Variants in SLC26A3 observed in about 807,000 individuals in gnomAD.
SLC26A3 encodes chloride anion exchanger.
In SLC26A3, 64 loss-of-function variants were observed where a neutral mutation model predicts 85.6. That is an observed-to-expected ratio of 0.75 (90% CI 0.61 to 0.92). The LOEUF (loss-of-function observed/expected upper bound fraction) is 0.92. SLC26A3 is among the 40% of genes least tolerant of loss of function. The probability of loss-of-function intolerance (pLI) is 0.00; values close to 1 mark genes in which losing one functional copy is unlikely to be tolerated. For missense variants in SLC26A3, 922 were observed against 927.3 expected, an observed-to-expected ratio of 0.99 and a Z score of 0.07; for synonymous variants, 349 against 336.0, an observed-to-expected ratio of 1.04 and a Z score of -0.42.
At chr7:107,778,458 G>A (rs1451530592) in intron 12 of SLC26A3, among the ~76,000 whole-genome samples, 177 bp from the exon 13 acceptor site, 1 of 140,502 alleles carries the variant, frequency 7.1e-6, no homozygotes, top group African/African-American at 2.7e-5. Context: ...TTGTCATCTT[G>A]GGCCAGGGAG....
chr7:107,801,925 C>CAAAAAAAAAAAA (rs11356401), intron 1 of SLC26A3, among the ~76,000 whole-genome samples: 4 of 91,236 alleles, frequency 4.4e-5, no homozygotes, highest in African/African-American at 1.1e-4. Flanking sequence ...ACTGAAAATA[C>CAAAAAAAAAAAA]AAAAAAAAAA....
intron 6 of SLC26A3, among the ~76,000 whole-genome samples, chr7:107,788,974 G>C (rs1794346853): frequency 6.6e-6 from 1 of 150,932 alleles, no homozygotes; most frequent in African/African-American, 2.4e-5. Context: ...GTAAAGGTGA[G>C]GTTTCACTTT....
At chr7:107,790,777 T>A (rs1258721138) in intron 5 of SLC26A3, among the ~76,000 whole-genome samples, 1 of 149,884 alleles carries the variant, frequency 6.7e-6, no homozygotes, top group African/African-American at 2.4e-5. Flanking sequence ...AGATATATGT[T>A]GAAGCATTTC....
At chr7:107,783,437 A>G in intron 8 of SLC26A3, 85 bp from the exon 9 acceptor site, 1 of 1,477,266 alleles carries the variant, frequency 6.8e-7, no homozygotes, top group South Asian at 1.1e-5. Flanking sequence ...GAATGAATGC[A>G]ATCTAGGCTG....
chr7:107,778,967 G>A (rs1424763103), intron 12 of SLC26A3, among the ~76,000 whole-genome samples: 1 of 152,052 alleles, frequency 6.6e-6, no homozygotes, highest in Non-Finnish European at 1.5e-5. Context: ...CTCCAGCCTG[G>A]GTGACAGAGG....
intron 5 of SLC26A3, 68 bp from the exon 6 acceptor site, chr7:107,789,756 C>A: frequency 6.8e-7 from 1 of 1,472,004 alleles, no homozygotes; most frequent in Non-Finnish European, 9.3e-7. Flanking sequence ...CAAGGATCCG[C>A]AACTGAAATA....
chr7:107,770,022 C>CTTTCTTTCT (rs1562874153), intron 18 of SLC26A3, among the ~76,000 whole-genome samples: 2 of 40,010 alleles, frequency 5.0e-5, no homozygotes, highest in East Asian at 1.0e-3. Flanking sequence ...TTCTTTCTTT[C>CTTTCTTTCT]TTTCTTTCTT....
chr7:107,784,889 C>T (rs1794268153), intron 8 of SLC26A3, among the ~76,000 whole-genome samples: 2 of 152,136 alleles, frequency 1.3e-5, no homozygotes, highest in Admixed American at 1.3e-4. Flanking sequence ...TCAATGAGCA[C>T]TTTTCTTCAG....
chr7:107,789,938 C>T (rs1457035546), intron 5 of SLC26A3, among the ~76,000 whole-genome samples: 1 of 152,090 alleles, frequency 6.6e-6, no homozygotes, highest in Non-Finnish European at 1.5e-5. Context: ...CTAGTTTGCC[C>T]CCAAGAAGTA....
At chr7:107,773,461 A>C (rs957621502) in intron 17 of SLC26A3, among the ~76,000 whole-genome samples, 1 of 152,236 alleles carries the variant, frequency 6.6e-6, no homozygotes, top group Non-Finnish European at 1.5e-5. Flanking sequence ...GAGTCCACTG[A>C]ACACCACCTT....
At position 107,769,373 on chromosome 7, in the gene SLC26A3, C is replaced by T. The variant is rs558099079; in HGVS notation, c.2063-1465G>A. 3.3e-4 allele frequency among the ~76,000 whole-genome samples: 50 copies of T among 151,874 alleles called. No homozygotes were observed. In the South Asian group the frequency reaches 5.6e-3, roughly 17 times the overall value. On this transcript the variant is annotated intron_variant, in intron 18 of 20. Transcript: ENST00000340010. ...TAAAGAAAATGTGGTACATATACAC[C>T]GTGGAATACTATATAAAAACATATA...
Position 107,767,937 on chromosome 7 carries a change from G to T in SLC26A3, c.2063-29C>A, listed in dbSNP as rs764800986. On this transcript the variant is annotated intron_variant, in intron 18 of 20. Coordinates refer to ENST00000340010, the MANE Select transcript of SLC26A3 (RefSeq NM_000111.3). ...AAGAGAAAAAAACAGTAACTTTTAG[G>T]AAGAAACAATTGTTTGGCTACCGGT... 3.1e-6 allele frequency: 5 copies of T among 1,609,366 alleles called. No homozygotes were observed. In the South Asian group the frequency reaches 5.5e-5, roughly 18 times the overall value.
chr7:107,781,523 G>A lies in SLC26A3; in HGVS notation c.1311+1274C>T, dbSNP rs138127672. Among the ~76,000 whole-genome samples the A allele has an allele frequency of 3.8e-3, 577 of 152,302 alleles. 4 individuals carry two copies. The highest frequency in any genetic ancestry group is 0.013 in the African/African-American group (537 of 41,570). On this transcript the variant is annotated intron_variant, in intron 11 of 20. Transcript: ENST00000340010. ...AGTTTACACCCGGGGAGAAGCATGA[G>A]AGGGTGGAGTTCTCTCTGTAGGGGT...
chr7:107,796,858 C>G (rs1794511118), intron 1 of SLC26A3, among the ~76,000 whole-genome samples: 2 of 151,888 alleles, frequency 1.3e-5, no homozygotes, highest in African/African-American at 4.8e-5. Context: ...AAAAAAGATT[C>G]TGCTCTTTGC....
chr7:107,780,642 T>C (rs561841553), intron 11 of SLC26A3, among the ~76,000 whole-genome samples: 107 of 152,302 alleles, frequency 7.0e-4, no homozygotes, highest in African/African-American at 2.5e-3. Context: ...TTTTTATTTT[T>C]ATATCTTGAG....
At chr7:107,785,519 C>T (rs1794279424) in intron 8 of SLC26A3, among the ~76,000 whole-genome samples, 1 of 152,152 alleles carries the variant, frequency 6.6e-6, no homozygotes, top group Non-Finnish European at 1.5e-5. Context: ...ATTTTCCAAG[C>T]CCTTCTGACA....
At chr7:107,777,585 T>G (rs1016134214) in intron 13 of SLC26A3, among the ~76,000 whole-genome samples, 4 of 152,144 alleles carry the variant, frequency 2.6e-5, no homozygotes, top group African/African-American at 7.2e-5. Context: ...AGCGAAACTC[T>G]GTCTCAAAAG....
intron 18 of SLC26A3, among the ~76,000 whole-genome samples, chr7:107,771,530 GGT>G (rs1794031080): frequency 6.6e-6 from 1 of 152,126 alleles, no homozygotes; most frequent in Non-Finnish European, 1.5e-5. Flanking sequence ...AGAGGTAGGA[GGT>G]GAATAAGAAC....
rs1426322759 is a variant in SLC26A3, at chr7:107,793,841, A to G, written c.172T>C (p.Phe58Leu). The G allele has an allele frequency of 6.2e-7, 1 of 1,614,134 alleles. No homozygotes were observed. Among genetic ancestry groups the G allele is most frequent in the East Asian group, 2.2e-5 (1 of 44,886 alleles). ...QKAKRIVLSLFPIASWLPAYR... is the reference protein window; with the variant it reads ...QKAKRIVLSLLPIASWLPAYR... ...GCTGGCAACCAAGATGCTATGGGGAACAAAGAGAGGACAATTCTCTTGGCC... is the reference window on the plus strand; with the variant it reads ...GCTGGCAACCAAGATGCTATGGGGAGCAAAGAGAGGACAATTCTCTTGGCC... The change falls in exon 3 of 21, where the codon TTC becomes CTC. Residue 58 changes from phenylalanine to leucine, a missense_variant. Phe to Leu is a conservative substitution (Grantham distance 22). Coordinates refer to ENST00000340010, the MANE Select transcript of SLC26A3 (RefSeq NM_000111.3).
Sources: gnomAD v4.1 joint callset for allele counts (sites outside exome capture counted in the v4.1 genomes callset) on GRCh38, gnomAD v4.1.1 for gene constraint, MANE v1.5 for transcripts, NCBI Gene and HGNC (gene_info 2026-07-23, HGNC 2026-07-21) for gene names.